ACTN1: variants seen among roughly 807,000 people sequenced by gnomAD.
The protein encoded by ACTN1 is actinin alpha 1, also known as alpha-actinin-1.
In ACTN1, 30 loss-of-function variants were observed where a neutral mutation model predicts 119.6. The observed-to-expected ratio is 0.25, with a 90% CI of 0.19 to 0.34. The LOEUF (loss-of-function observed/expected upper bound fraction) is 0.34. ACTN1 is among the 10% of genes least tolerant of loss of function. The probability of loss-of-function intolerance (pLI) is 1.00; values close to 1 mark genes in which losing one functional copy is unlikely to be tolerated. For missense variants in ACTN1, 764 were observed against 1,223.4 expected, an observed-to-expected ratio of 0.62 and a Z score of 5.60; for synonymous variants, 429 against 472.6, an observed-to-expected ratio of 0.91 and a Z score of 1.20.
chr14:68,958,579 A>AT (rs1243654723), intron 1 of ACTN1, among the ~76,000 whole-genome samples: 2 of 152,194 alleles, frequency 1.3e-5, no homozygotes, highest in African/African-American at 4.8e-5. Context: ...ATTGATTCAC[A>AT]TGGAAAAGGA....
At chr14:68,905,446 G>A (rs1020153206) in intron 6 of ACTN1, among the ~76,000 whole-genome samples, 19 of 152,142 alleles carry the variant, frequency 1.2e-4, no homozygotes, top group Admixed American at 1.0e-3. Flanking sequence ...TTCCACTTGC[G>A]GGGAGATACT....
intron 3 of ACTN1, among the ~76,000 whole-genome samples, chr14:68,912,668 T>C (rs2034076473): frequency 6.6e-6 from 1 of 152,158 alleles, no homozygotes; most frequent in Non-Finnish European, 1.5e-5. Context: ...TGAGCTACCA[T>C]GCCTGGCCTG....
At chr14:68,951,595 G>T (rs745349026) in intron 1 of ACTN1, among the ~76,000 whole-genome samples, 3 of 152,146 alleles carry the variant, frequency 2.0e-5, no homozygotes, top group Non-Finnish European at 1.5e-5. Context: ...CAACTCTAAC[G>T]TGAAGGTGAT....
At position 68,880,681 on chromosome 14, in the gene ACTN1, G is replaced by T; in HGVS notation, c.2133+129C>A. 1 of 928,424 alleles carries T rather than the reference G, an allele frequency of 1.1e-6. No individual in the cohort carries two copies. The highest frequency in any genetic ancestry group is 1.6e-6 in the Non-Finnish European group (1 of 607,864). The allele number at this position is 928,424 out of a possible 1,614,324, so 57.5% of individuals were successfully genotyped here. The stretch of plus-strand genomic sequence containing the variant: ...GCAGAAGGTACTAAAAATTGAAGAT[G>T]TGAGGCTTCAGGGGTGAAGTTAATT... On this transcript the variant is annotated intron_variant, in intron 17 of 21. Coordinates refer to ENST00000394419, the MANE Select transcript of ACTN1 (RefSeq NM_001130004.2). This position sits in a 1 kb window ranked among gnomAD's most constrained non-coding sequence, Gnocchi z 4.6.
rs1474513484 is a variant in ACTN1 at position 68,883,206 on chromosome 14, T to G, written c.1636-151A>C. 1.7e-5 allele frequency: 14 copies of G among 804,002 alleles called. No individual in the cohort carries two copies. The Admixed American group carries it at 3.6e-4, about 21-fold the overall frequency. 49.8% of individuals were successfully genotyped at this position (804,002 alleles called of 1,614,324 possible). On this transcript the variant is annotated intron_variant, in intron 14 of 21. Transcript: ENST00000394419. Reference sequence around the variant, plus strand: ...TGGCTGAGAACCAGGATGGCAGGTATGGCCACAGGAAGGTGAAGCCACAGT... The same window carrying G: ...TGGCTGAGAACCAGGATGGCAGGTAGGGCCACAGGAAGGTGAAGCCACAGT...
chr14:68,885,345 A>ACACCCCCCC lies in ACTN1; in HGVS notation c.1385+79_1385+80insGGGGGGGTG. On this transcript the variant is annotated intron_variant, in intron 12 of 21. Coordinates refer to ENST00000394419, the MANE Select transcript of ACTN1 (RefSeq NM_001130004.2). The surrounding 1 kb of genome is among the most constrained non-coding windows in gnomAD (Gnocchi z 5.6). ...CCCACCCTCCCCATCTTCCACGGCCACACCCCCACCTCCCCCAGCAGCTGA... is the reference window on the plus strand; with the variant it reads ...CCCACCCTCCCCATCTTCCACGGCCACACCCCCCCCACCCCCACCTCCCCCAGCAGCTGA... 8.7e-7 allele frequency: 1 copy of ACACCCCCCC among 1,152,106 alleles called. No homozygotes were observed. The highest frequency in any genetic ancestry group is 1.2e-6 in the Non-Finnish European group (1 of 860,330). 71.4% of individuals were successfully genotyped at this position (1,152,106 alleles called of 1,614,324 possible).
intron 12 of ACTN1, 52 bp from the exon 13 acceptor site, chr14:68,884,935 C>A: frequency 7.0e-7 from 1 of 1,436,012 alleles, no homozygotes. Context: ...ATTTCATGGC[C>A]CATCTCCCTC....
Position 68,887,187 on chromosome 14 carries a change from G to A in ACTN1, c.1235-1612C>T, listed in dbSNP as rs529968663. On this transcript the variant is annotated intron_variant, in intron 11 of 21. Transcript: ENST00000394419. Reference sequence around the variant, plus strand: ...TACCAGTATTTTCACATGTTGGTCAGCTGTCACATACGGCCCACCAGTTCA... The same window carrying A: ...TACCAGTATTTTCACATGTTGGTCAACTGTCACATACGGCCCACCAGTTCA... 303 of 173,136 alleles carry A rather than the reference G, an allele frequency of 1.8e-3. 1 individual carries two copies. Among genetic ancestry groups the A allele is most frequent in the Non-Finnish European group, 3.1e-3 (253 of 80,908 alleles). The allele number at this position is 173,136 out of a possible 1,614,324, so 10.7% of individuals were successfully genotyped here.
chr14:68,959,487 A>G lies in ACTN1; in HGVS notation c.105+19465T>C, dbSNP rs2036456227. Among the ~76,000 whole-genome samples the G allele has an allele frequency of 2.0e-5, 3 of 152,328 alleles. No homozygotes were observed. The South Asian group carries it at 6.2e-4, about 32-fold the overall frequency. On this transcript the variant is annotated intron_variant, in intron 1 of 21. Transcript: ENST00000394419. ...CTCGTGAACTGGTATACTTTCTTTT[A>G]CTAAGAAATAAACACTTGATACTTC... is the stretch of plus-strand genomic sequence containing the variant.
rs2036582734 is a variant in ACTN1, at chr14:68,962,821, G to T, written c.105+16131C>A. On this transcript the variant is annotated intron_variant, in intron 1 of 21. Coordinates refer to ENST00000394419, the MANE Select transcript of ACTN1 (RefSeq NM_001130004.2). ...CTGCCCTTCCGCACCCGCTGTGTGGGTTTCTTTGCATGGGATTATATTGGT... is the reference window on the plus strand; with the variant it reads ...CTGCCCTTCCGCACCCGCTGTGTGGTTTTCTTTGCATGGGATTATATTGGT... Among the ~76,000 whole-genome samples the T allele has an allele frequency of 3.3e-5, 5 of 152,296 alleles. No individual in the cohort carries two copies. In the South Asian group the frequency reaches 1.0e-3, roughly 32 times the overall value.
At chr14:68,899,385 A>C (rs1222091374) in intron 8 of ACTN1, among the ~76,000 whole-genome samples, 2 of 127,002 alleles carry the variant, frequency 1.6e-5, no homozygotes, top group Non-Finnish European at 3.3e-5. Context: ...CATACACCTC[A>C]TACACACACC....
At chr14:68,897,997 C>A (rs572043465) in intron 8 of ACTN1, among the ~76,000 whole-genome samples, 1 of 152,276 alleles carries the variant, frequency 6.6e-6, no homozygotes, top group South Asian at 2.1e-4. Flanking sequence ...GCCTTCCCCC[C>A]ACAGACCTCA....
At chr14:68,893,614 C>G in intron 9 of ACTN1, 41 bp downstream of exon 9, 1 of 1,591,348 alleles carries the variant, frequency 6.3e-7, no homozygotes, top group South Asian at 1.1e-5. Flanking sequence ...AGGGGACTGA[C>G]TCTTGCTAGA....
At chr14:68,908,010 C>CT (rs112626957) in intron 6 of ACTN1, among the ~76,000 whole-genome samples, 8,192 of 146,730 alleles carry the variant, frequency 0.056, 291 homozygotes, top group African/African-American at 0.071. Context: ...GGAAGGTTCT[C>CT]TTTTTTTTTT....
intron 8 of ACTN1, among the ~76,000 whole-genome samples, chr14:68,898,069 C>T (rs563972580): frequency 6.6e-6 from 1 of 152,246 alleles, no homozygotes; most frequent in Non-Finnish European, 1.5e-5. Context: ...CTGCACCTGC[C>T]CTGCTCAGAT....
chr14:68,953,469 C>G (rs1349013896), intron 1 of ACTN1, among the ~76,000 whole-genome samples: 1 of 152,214 alleles, frequency 6.6e-6, no homozygotes, highest in Non-Finnish European at 1.5e-5. Flanking sequence ...CCCTTAAGCT[C>G]AGAGGACCAC....
intron 21 of ACTN1, 93 bp from the exon 22 acceptor site, chr14:68,875,110 C>T (rs549088260): frequency 3.2e-6 from 5 of 1,567,574 alleles, no homozygotes; most frequent in Middle Eastern, 1.7e-4. Context: ...GGCGTGAAGG[C>T]AGCATGTGCC....
Position 68,921,034 on chromosome 14 carries a change from G to T in ACTN1, c.312C>A (p.Gly104=), listed in dbSNP as rs1306449912. Residue 104 remains glycine, a synonymous_variant, in exon 3 of 22, where the codon GGC becomes GGA. Transcript: ENST00000394419. ...CGGCTCCGATGGACACCAGTTTGAC[G>T]CCTTTGCTGGCTATGAAATCCAGGG... ...NKALDFIASK[G]VKLVSIGAEE... The T allele has an allele frequency of 6.2e-7, 1 of 1,613,996 alleles. No homozygotes were observed. Among genetic ancestry groups the T allele is most frequent in the African/African-American group, 1.3e-5 (1 of 74,924 alleles).
intron 1 of ACTN1, among the ~76,000 whole-genome samples, chr14:68,948,801 A>C (rs527390762): frequency 6.6e-6 from 1 of 152,318 alleles, no homozygotes; most frequent in African/African-American, 2.4e-5. Flanking sequence ...AAAGAAAAAC[A>C]ACCAGCAGCT....
Sources: gnomAD v4.1 joint callset for allele counts (sites outside exome capture counted in the v4.1 genomes callset) on GRCh38, gnomAD v4.1.1 for gene constraint, Gnocchi (gnomAD v3.1) non-coding constraint, MANE v1.5 for transcripts, NCBI Gene and HGNC (gene_info 2026-07-23, HGNC 2026-07-21) for gene names.